The following ZSCAN23 variants were observed in gnomAD, a reference collection of about 807,000 sequenced individuals.
ZSCAN23 encodes zinc finger and SCAN domain containing 23.
ZSCAN23 carries 19 observed loss-of-function variants against 19.3 expected under a neutral mutation model. The observed-to-expected ratio is 0.99, with a 90% CI of 0.69 to 1.45. The LOEUF (loss-of-function observed/expected upper bound fraction) is 1.45. Ranked by LOEUF, ZSCAN23 falls within the 40% of genes most tolerant of loss-of-function variation. The pLI is 0.00. For missense variants in ZSCAN23, 372 were observed against 462.5 expected (o/e 0.80, Z 1.79); for synonymous variants, 140 against 166.2 (o/e 0.84, Z 1.21).
At chr6:28,426,018 T>G in the ZSCAN23 span, among the ~76,000 whole-genome samples, 1 of 152,228 alleles carries the variant, frequency 6.6e-6, no homozygotes, top group African/African-American at 2.4e-5. Flanking sequence ...GTCACAGAAT[T>G]GAAGAAAGTT....
At position 28,439,855 on chromosome 6, in the gene ZSCAN23, A is replaced by AT. The variant is rs556837087; in HGVS notation, c.-77-3513dup. Among the ~76,000 whole-genome samples the AT allele has an allele frequency of 1.1e-4, 17 of 152,348 alleles. No individual in the cohort carries two copies. The South Asian group carries it at 3.3e-3, about 30-fold the overall frequency. ...CAAACCCAACAAATCTGACATCAGAATTTACAGTCTCCACTGCTACAACAC... is the reference window on the plus strand; with the variant it reads ...CAAACCCAACAAATCTGACATCAGAATTTTACAGTCTCCACTGCTACAACAC... On this transcript the variant is annotated intron_variant, in intron 1 of 3. Coordinates refer to ENST00000289788, the MANE Select transcript of ZSCAN23 (RefSeq NM_001012455.2).
chr6:28,443,202 G>A (rs1762038026), intron 1 of ZSCAN23, among the ~76,000 whole-genome samples, 197 bp downstream of exon 1: 1 of 152,224 alleles, frequency 6.6e-6, no homozygotes, highest in African/African-American at 2.4e-5. Flanking sequence ...GTGGGGGAAA[G>A]GGGTAGGGGC....
downstream of ZSCAN23, among the ~76,000 whole-genome samples, chr6:28,428,233 C>T (rs1581799034): frequency 6.6e-6 from 1 of 152,198 alleles, no homozygotes; most frequent in African/African-American, 2.4e-5. Flanking sequence ...CAGGCCCTTA[C>T]AGTCCAGTGG....
At chr6:28,439,000 G>C (rs1761947606) in intron 1 of ZSCAN23, among the ~76,000 whole-genome samples, 1 of 152,094 alleles carries the variant, frequency 6.6e-6, no homozygotes, top group Non-Finnish European at 1.5e-5. Context: ...ATAAAGTTCT[G>C]ACATCTTTGG....
Position 28,439,137 on chromosome 6 carries a change from G to T in ZSCAN23, c.-77-2794C>A, listed in dbSNP as rs183709987. On this transcript the variant is annotated intron_variant, in intron 1 of 3. Coordinates refer to ENST00000289788, the MANE Select transcript of ZSCAN23 (RefSeq NM_001012455.2). ...TTTTGAGACGGAATCTCACCCTGTC[G>T]CCCAGGCTGGAGTGCAACAGCACGA... is the stretch of plus-strand genomic sequence containing the variant. Among the ~76,000 whole-genome samples, 455 of 149,814 alleles carry T rather than the reference G, an allele frequency of 3.0e-3. 3 individuals are homozygous for T. Among genetic ancestry groups the T allele is most frequent in the Admixed American group, 9.5e-3 (142 of 15,002 alleles).
chr6:28,423,338 T>C, the ZSCAN23 span, among the ~76,000 whole-genome samples: 2 of 152,216 alleles, frequency 1.3e-5, no homozygotes, highest in African/African-American at 4.8e-5. Context: ...AACTCTCTTA[T>C]CTCTCTCTGG....
chr6:28,442,817 C>A (rs138578476), intron 1 of ZSCAN23, among the ~76,000 whole-genome samples: 4 of 152,142 alleles, frequency 2.6e-5, no homozygotes, highest in African/African-American at 4.8e-5. Flanking sequence ...TAAAAAGGGG[C>A]GGGACAGAGA....
downstream of ZSCAN23, among the ~76,000 whole-genome samples, chr6:28,428,118 C>G (rs1035541985): frequency 3.3e-5 from 5 of 152,180 alleles, no homozygotes; most frequent in African/African-American, 1.2e-4. Context: ...CAGCCTTATT[C>G]TCATCCCATA....
the ZSCAN23 span, among the ~76,000 whole-genome samples, chr6:28,423,522 C>T: frequency 6.6e-6 from 1 of 152,176 alleles, no homozygotes; most frequent in Non-Finnish European, 1.5e-5. Flanking sequence ...AGTTCCAAGA[C>T]GTGTTCCTTG....
downstream of ZSCAN23, among the ~76,000 whole-genome samples, chr6:28,430,369 C>CA (rs1761739143): frequency 6.6e-6 from 1 of 152,074 alleles, no homozygotes; most frequent in Non-Finnish European, 1.5e-5. Flanking sequence ...AAGGGCTTTC[C>CA]AAACAAAACA....
chr6:28,429,899 AAC>A (rs71548333), downstream of ZSCAN23, among the ~76,000 whole-genome samples: 7,460 of 152,246 alleles, frequency 0.049, 308 homozygotes, highest in Non-Finnish European at 0.087. Flanking sequence ...CTAAAACCTG[AAC>A]ACCTCTCTAG....
At position 28,433,510 on chromosome 6, in the gene ZSCAN23, C is replaced by A. The variant is rs888032441; in HGVS notation, c.*955G>T. On this transcript the variant is annotated 3_prime_UTR_variant, in exon 4 of 4. Transcript: ENST00000289788. ...GTTTTCCATTTCTTTGTCTCCTGGA[C>A]CTTGTGTAAAGCTTTGTAAAGAGTT... 2.6e-5 allele frequency: 4 copies of A among 151,750 alleles called. No homozygotes were observed. The highest frequency in any genetic ancestry group is 9.7e-5 in the African/African-American group (4 of 41,300). 9.4% of individuals were successfully genotyped at this position (151,750 alleles called of 1,614,324 possible). A position where few individuals can be genotyped will look rare whatever the true frequency, so the allele number is the denominator to read the frequency against.
At chr6:28,443,153 C>T (rs191860271) in intron 1 of ZSCAN23, among the ~76,000 whole-genome samples, 17 of 152,230 alleles carry the variant, frequency 1.1e-4, no homozygotes, top group Non-Finnish European at 2.1e-4. Context: ...GCCATCAGTA[C>T]AGGGCAGAGA....
chr6:28,430,457 A>C (rs911955995), downstream of ZSCAN23, among the ~76,000 whole-genome samples: 2 of 152,322 alleles, frequency 1.3e-5, no homozygotes, highest in Admixed American at 1.3e-4. Context: ...TCTGCCCCCA[A>C]GGGTCAAATG....
the ZSCAN23 span, among the ~76,000 whole-genome samples, chr6:28,424,330 T>G: frequency 6.6e-6 from 1 of 152,244 alleles, no homozygotes. Context: ...TCTTTGAGGC[T>G]GCAGAGTCTT....
chr6:28,423,109 A>C, the ZSCAN23 span, among the ~76,000 whole-genome samples: 1 of 152,208 alleles, frequency 6.6e-6, no homozygotes, highest in Non-Finnish European at 1.5e-5. Flanking sequence ...ACATTTGCTG[A>C]AAGTTAGAGC....
chr6:28,434,758 A>G lies in ZSCAN23; in HGVS notation c.877T>C (p.Phe293Leu), dbSNP rs1376755165. Residue 293 changes from phenylalanine to leucine, a missense_variant, in exon 4 of 4, where the codon TTC becomes CTC. Phe to Leu is a conservative substitution (Grantham distance 22). Coordinates refer to ENST00000289788, the MANE Select transcript of ZSCAN23 (RefSeq NM_001012455.2). Reference protein sequence around the residue: ...GRAFSQRSGLFQHQRLHTGEK... With the variant: ...GRAFSQRSGLLQHQRLHTGEK... ...CCAGTGTGGAGTCTCTGGTGCTGGA[A>G]TAGGCCTGACCTCTGGCTGAAGGCC... 1 of 1,602,776 alleles carries G rather than the reference A, an allele frequency of 6.2e-7. No individual in the cohort carries two copies. Among genetic ancestry groups the G allele is most frequent in the African/African-American group, 1.3e-5 (1 of 74,666 alleles).
chr6:28,426,518 C>A, the ZSCAN23 span, among the ~76,000 whole-genome samples: 1 of 151,654 alleles, frequency 6.6e-6, no homozygotes, highest in South Asian at 2.1e-4. Context: ...TGCCCCAAAA[C>A]AATTGCAAAT....
chr6:28,434,468 G>C lies in ZSCAN23; in HGVS notation c.1167C>G (p.Ser389Arg), dbSNP rs1171173271. The C allele has an allele frequency of 4.5e-6, 7 of 1,539,486 alleles. No homozygotes were observed. Among genetic ancestry groups the C allele is most frequent in the Non-Finnish European group, 3.5e-6 (4 of 1,139,880 alleles). Residue 389 changes from serine to arginine, a missense_variant, in exon 4 of 4, where the codon AGC (serine) becomes AGG (arginine). Ser to Arg is a moderately radical substitution (Grantham distance 110). Coordinates refer to ENST00000289788, the MANE Select transcript of ZSCAN23 (RefSeq NM_001012455.2). Reference sequence around the variant, plus strand: ...ATCCCCTACCTGTTCCAAGGAGCTAGCTTGATTCAGCCACTGGGTGGACTT... The same window carrying C: ...ATCCCCTACCTGTTCCAAGGAGCTACCTTGATTCAGCCACTGGGTGGACTT... ...HRKVHPVAESS is the reference protein window; with the variant it reads ...HRKVHPVAESR
Sources: gnomAD v4.1 joint callset for allele counts (sites outside exome capture counted in the v4.1 genomes callset) on GRCh38, gnomAD v4.1.1 for gene constraint, MANE v1.5 for transcripts, NCBI Gene and HGNC (gene_info 2026-07-23, HGNC 2026-07-21) for gene names.